Variants in FKBP10 observed in about 807,000 individuals in gnomAD.
FKBP10 encodes the protein peptidyl-prolyl cis-trans isomerase FKBP10.
FKBP10 carries 34 observed loss-of-function variants against 53.7 expected under a neutral mutation model. That is an observed-to-expected ratio of 0.63 (90% CI 0.48 to 0.84). The LOEUF (loss-of-function observed/expected upper bound fraction) is 0.84, where lower values mean the gene tolerates loss of function less well. Ranked by LOEUF, FKBP10 falls within the 40% of genes least tolerant of loss-of-function variation. The pLI is 0.00. For missense variants in FKBP10, 748 were observed against 797.8 expected (o/e 0.94, Z 0.75); for synonymous variants, 324 against 335.7 (o/e 0.97, Z 0.38).
rs2047823717 is a variant in FKBP10 at position 41,816,957 on chromosome 17, G to A, written c.246-101G>A. The stretch of plus-strand genomic sequence containing the variant: ...TCCACACCTGGCTATAGGGAGGGGG[G>A]ATTGTGTGCGTGTGTGCAGGCACAC... On this transcript the variant is annotated intron_variant, in intron 1 of 9. Transcript: ENST00000321562. 3 of 1,443,698 alleles carry A rather than the reference G, an allele frequency of 2.1e-6. No homozygotes were observed. The South Asian group carries it at 3.4e-5, about 17-fold the overall frequency. The allele number at this position is 1,443,698 out of a possible 1,614,324, so 89.4% of individuals were successfully genotyped here.
In FKBP10 at chr17:41,821,900, C is replaced by T. The variant is rs190452743; in HGVS notation, c.1563+83C>T. ...ATCGAGGAAGAAGACGTCCCCCGTC[C>T]GGACTGCCCACCCGCCCTGGTGCTC... On this transcript the variant is annotated intron_variant, in intron 9 of 9. Coordinates refer to ENST00000321562, the MANE Select transcript of FKBP10 (RefSeq NM_021939.4). 1.0e-4 allele frequency: 158 copies of T among 1,562,086 alleles called. 2 individuals are homozygous for T. Among genetic ancestry groups the T allele is most frequent in the South Asian group, 1.8e-4 (16 of 88,666 alleles).
In FKBP10 at chr17:41,819,220, C is replaced by T. The variant is rs573865037; in HGVS notation, c.738C>T (p.Ile246=). The T allele has an allele frequency of 4.3e-6, 7 of 1,614,026 alleles. No homozygotes were observed. The highest frequency in any genetic ancestry group is 1.1e-5 in the South Asian group (1 of 91,082). Residue 246 remains isoleucine, a synonymous_variant, in exon 5 of 10, where the codon ATC becomes ATT. Transcript: ENST00000321562. ...AYGEKGYGTV[I]PPQASLVFHV... ...CTATCCCTTCCCCAGGGACAGTGAT[C>T]CCCCCACAGGCCTCGCTGGTCTTTC... is the stretch of plus-strand genomic sequence containing the variant.
chr17:41,820,516 GTCC>G (rs1344665019), intron 7 of FKBP10, 55 bp downstream of exon 7: 4 of 1,575,412 alleles, frequency 2.5e-6, no homozygotes, highest in Admixed American at 3.3e-5. Flanking sequence ...GGCATGGGGA[GTCC>G]TCCTCAGTGC....
Position 41,822,660 on chromosome 17 carries a change from T to G in FKBP10, c.*252T>G, listed in dbSNP as rs868919711. The stretch of plus-strand genomic sequence containing the variant: ...AAATGTTTGGATTTGCAAAGCCAAT[T>G]TGGGGCCTGTGGAGCCTGGGGTTGG... On this transcript the variant is annotated 3_prime_UTR_variant, in exon 10 of 10. Transcript: ENST00000321562. 6 of 548,832 alleles carry G rather than the reference T, an allele frequency of 1.1e-5. No homozygotes were observed. Among genetic ancestry groups the G allele is most frequent in the African/African-American group, 1.9e-5 (1 of 52,886 alleles). 34.0% of individuals were successfully genotyped at this position (548,832 alleles called of 1,614,324 possible).
At chr17:41,821,860 C>T (rs368439289) in intron 9 of FKBP10, 43 bp downstream of exon 9, 3 of 1,612,290 alleles carry the variant, frequency 1.9e-6, no homozygotes, top group East Asian at 2.2e-5. Flanking sequence ...CACGCAATCC[C>T]CGCACCCAGG....
In FKBP10 at chr17:41,816,998, A is replaced by C. The variant is rs2047824057; in HGVS notation, c.246-60A>C. 11 of 1,611,840 alleles carry C rather than the reference A, an allele frequency of 6.8e-6. No homozygotes were observed. In the Admixed American group the frequency reaches 1.7e-4, roughly 24 times the overall value. On this transcript the variant is annotated intron_variant, in intron 1 of 9. Coordinates refer to ENST00000321562, the MANE Select transcript of FKBP10 (RefSeq NM_021939.4). ...GCAGGCACACCTGTGCATCTGTGCC[A>C]CCATGGGCAGTGTGTGTGTGTCTGA...
chr17:41,816,208 A>T, intron 1 of FKBP10, among the ~76,000 whole-genome samples: 1 of 143,216 alleles, frequency 7.0e-6, no homozygotes, highest in Admixed American at 7.1e-5. Context: ...AACAAAAGCC[A>T]TGGCACTTTT....
At chr17:41,817,511 G>A (rs956199345) in intron 2 of FKBP10, among the ~76,000 whole-genome samples, 2 of 152,102 alleles carry the variant, frequency 1.3e-5, no homozygotes, top group Non-Finnish European at 2.9e-5. Context: ...TGTGCCTGTA[G>A]TCCCAACTAC....
chr17:41,820,157 T>C, intron 6 of FKBP10, 112 bp from the exon 7 acceptor site: 1 of 1,335,850 alleles, frequency 7.5e-7, no homozygotes, highest in Non-Finnish European at 1.1e-6. Flanking sequence ...CCATCCTCCT[T>C]TGGATCCTCA....
chr17:41,818,351 G>T (rs2047842618), intron 3 of FKBP10, 31 bp from the exon 4 acceptor site: 1 of 1,614,158 alleles, frequency 6.2e-7, no homozygotes, highest in Non-Finnish European at 8.5e-7. Context: ...GGCCCAGCCT[G>T]CCTCTCCCAC....
At chr17:41,813,917 C>T (rs1003919189) in intron 1 of FKBP10, among the ~76,000 whole-genome samples, 5 of 152,168 alleles carry the variant, frequency 3.3e-5, no homozygotes, top group South Asian at 2.1e-4. Flanking sequence ...GAATTTCATT[C>T]CTCCCTCTCT....
At position 41,817,161 on chromosome 17, in the gene FKBP10, C is replaced by T; in HGVS notation, c.349C>T (p.Leu117Phe). 1 of 1,614,034 alleles carries T rather than the reference C, an allele frequency of 6.2e-7. No individual in the cohort carries two copies. Among genetic ancestry groups the T allele is most frequent in the Non-Finnish European group, 8.5e-7 (1 of 1,180,052 alleles). ...CATGTGTGTCAACGAGCGGCGACGC[C>T]TCATTGTGCCTCCCCACCTGGGCTA... ...MGMCVNERRR[L>F]IVPPHLGYGS... The change falls in exon 2 of 10, where the codon CTC becomes TTC. Residue 117 changes from leucine (L) to phenylalanine (F), a missense_variant. By Grantham distance (22) the Leu-to-Phe change is conservative. Transcript: ENST00000321562.
At chr17:41,821,575 G>A in intron 8 of FKBP10, 79 bp from the exon 9 acceptor site, 1 of 1,559,508 alleles carries the variant, frequency 6.4e-7, no homozygotes, top group South Asian at 1.1e-5. Flanking sequence ...AAACTGGCCT[G>A]TGGGCTGGGA....
chr17:41,822,524 C>A lies in FKBP10; in HGVS notation c.*116C>A. Reference sequence around the variant, plus strand: ...CTCTGCTGGGATGAGGTCCAGGAGCCAACTAAAACAATGGCAGAGGAGACA... The same window carrying A: ...CTCTGCTGGGATGAGGTCCAGGAGCAAACTAAAACAATGGCAGAGGAGACA... On this transcript the variant is annotated 3_prime_UTR_variant, in exon 10 of 10. Transcript: ENST00000321562. 8.5e-7 allele frequency: 1 copy of A among 1,174,574 alleles called. No individual in the cohort carries two copies. Among genetic ancestry groups the A allele is most frequent in the Non-Finnish European group, 1.2e-6 (1 of 815,610 alleles). The allele number at this position is 1,174,574 out of a possible 1,614,324, so 72.8% of individuals were successfully genotyped here.
At chr17:41,813,934 C>T (rs782690464) in intron 1 of FKBP10, among the ~76,000 whole-genome samples, 9 of 152,192 alleles carry the variant, frequency 5.9e-5, no homozygotes, top group Non-Finnish European at 8.8e-5. Context: ...CTCTGGTTCT[C>T]CTGGAACCCT....
In FKBP10 at chr17:41,816,967, G is replaced by A. The variant is rs190994957; in HGVS notation, c.246-91G>A. Reference sequence around the variant, plus strand: ...GCTATAGGGAGGGGGGATTGTGTGCGTGTGTGCAGGCACACCTGTGCATCT... The same window carrying A: ...GCTATAGGGAGGGGGGATTGTGTGCATGTGTGCAGGCACACCTGTGCATCT... On this transcript the variant is annotated intron_variant, in intron 1 of 9. Transcript: ENST00000321562. 9.0e-4 allele frequency: 1,326 copies of A among 1,475,092 alleles called. 19 individuals are homozygous for A. In the Admixed American group the frequency reaches 0.02, roughly 22 times the overall value. 91.4% of individuals were successfully genotyped at this position (1,475,092 alleles called of 1,614,324 possible).
chr17:41,822,144 C>T, intron 9 of FKBP10, 79 bp from the exon 10 acceptor site: 1 of 1,361,332 alleles, frequency 7.3e-7, no homozygotes, highest in Non-Finnish European at 1.0e-6. Context: ...AAAGCACTCA[C>T]TGGCCTCCAC....
chr17:41,820,974 G>A lies in FKBP10; in HGVS notation c.1284G>A (p.Ala428=), dbSNP rs782241686. 1.2e-5 allele frequency: 20 copies of A among 1,612,000 alleles called. No individual in the cohort carries two copies. The highest frequency in any genetic ancestry group is 8.8e-5 in the South Asian group (8 of 90,636). ...ATGACTACGGGGCCCCCCAGGAGGCGACTCTCGGGGCCAACAAGGTGATCG... is the reference window on the plus strand; with the variant it reads ...ATGACTACGGGGCCCCCCAGGAGGCAACTCTCGGGGCCAACAAGGTGATCG... The part of the protein sequence containing the change: ...TSHDYGAPQE[A]TLGANKVIEG... Residue 428 remains alanine, a synonymous_variant, in exon 8 of 10, where the codon GCG becomes GCA. Coordinates refer to ENST00000321562, the MANE Select transcript of FKBP10 (RefSeq NM_021939.4).
rs2047863666 is a variant in FKBP10, at chr17:41,819,586, G to C, written c.974G>C (p.Gly325Ala). The C allele has an allele frequency of 6.2e-7, 1 of 1,613,958 alleles. No individual in the cohort carries two copies. The highest frequency in any genetic ancestry group is 1.3e-5 in the African/African-American group (1 of 74,932). The change falls in exon 6 of 10, where the codon GGG (glycine) becomes GCG (alanine). Residue 325 changes from glycine to alanine, a missense_variant. Transcript: ENST00000321562. ...ATCGGGCAGGGTTACATCATCCCCG[G>C]GATGGACCAGGGGCTGCAGGGTGCC... ...TYIGQGYIIP[G>A]MDQGLQGACM...
Sources: gnomAD v4.1 joint callset for allele counts (sites outside exome capture counted in the v4.1 genomes callset) on GRCh38, gnomAD v4.1.1 for gene constraint, MANE v1.5 for transcripts, NCBI Gene and HGNC (gene_info 2026-07-23, HGNC 2026-07-21) for gene names.